ARHGAP25: variants seen among roughly 807,000 people sequenced by gnomAD.
The protein encoded by ARHGAP25 is rho GTPase-activating protein 25.
In ARHGAP25, 34 loss-of-function variants were observed where a neutral mutation model predicts 71.0. The observed-to-expected ratio is 0.48, with a 90% CI of 0.36 to 0.64. The LOEUF is 0.64. ARHGAP25 is among the 30% of genes least tolerant of loss of function. The probability of loss-of-function intolerance (pLI) is 0.00; values close to 1 mark genes in which losing one functional copy is unlikely to be tolerated. For missense variants in ARHGAP25, 706 were observed against 805.1 expected (o/e 0.88, Z 1.49); for synonymous variants, 282 against 296.5 (o/e 0.95, Z 0.50).
At chr2:68,816,404 T>A in intron 7 of ARHGAP25, 42 bp downstream of exon 7, 1 of 1,521,492 alleles carries the variant, frequency 6.6e-7, no homozygotes. Flanking sequence ...TTCAACCCCA[T>A]CAGAAAGAAG....
At chr2:68,791,356 G>A (rs74634854) in intron 4 of ARHGAP25, among the ~76,000 whole-genome samples, 2,426 of 152,286 alleles carry the variant, frequency 0.016, 56 homozygotes, top group African/African-American at 0.054. Flanking sequence ...TTAATCGAAT[G>A]GGTGAAAGAA....
intron 1 of ARHGAP25, among the ~76,000 whole-genome samples, chr2:68,773,554 T>C (rs891393835): frequency 2.6e-5 from 4 of 152,192 alleles, no homozygotes; most frequent in African/African-American, 9.7e-5. Context: ...TTGGTTACAA[T>C]GTTCAATATT....
chr2:68,822,084 ATC>A (rs1681728607), intron 9 of ARHGAP25, among the ~76,000 whole-genome samples: 2 of 152,036 alleles, frequency 1.3e-5, no homozygotes, highest in Admixed American at 6.6e-5. Context: ...TTACATAAGG[ATC>A]CTACTTTAGG....
In ARHGAP25 at chr2:68,771,654, C is replaced by G. The variant is rs75598232; in HGVS notation, c.62-3567C>G. On this transcript the variant is annotated intron_variant, in intron 1 of 10. Transcript: ENST00000409202. ...GGCTCTGCACTTGGGATGGAAAGTGCCCCTGCTTAATCCCCAGCTCATCTG... is the reference window on the plus strand; with the variant it reads ...GGCTCTGCACTTGGGATGGAAAGTGGCCCTGCTTAATCCCCAGCTCATCTG... Among the ~76,000 whole-genome samples the G allele has an allele frequency of 2.8e-3, 431 of 152,264 alleles. 1 individual carries two copies. Among genetic ancestry groups the G allele is most frequent in the African/African-American group, 0.01 (416 of 41,540 alleles).
At position 68,775,120 on chromosome 2, in the gene ARHGAP25, C is replaced by G. The variant is rs1308250435; in HGVS notation, c.62-101C>G. The stretch of plus-strand genomic sequence containing the variant: ...GAACTGGACCTGGTTGTCGTCCCCC[C>G]GCTTCTCAGCCCCCTCTGGGGTTCC... On this transcript the variant is annotated intron_variant, in intron 1 of 10. Coordinates refer to ENST00000409202, the MANE Select transcript of ARHGAP25 (RefSeq NM_001007231.3). 3.8e-6 allele frequency: 6 copies of G among 1,599,564 alleles called. No homozygotes were observed. The African/African-American group carries it at 5.3e-5, about 14-fold the overall frequency.
intron 4 of ARHGAP25, among the ~76,000 whole-genome samples, chr2:68,795,191 AT>A (rs1679454660): frequency 6.6e-6 from 1 of 151,970 alleles, no homozygotes; most frequent in Non-Finnish European, 1.5e-5. Context: ...AAGTCTAACA[AT>A]TTTGTTTATC....
chr2:68,730,142 A>T (rs902196969), upstream of ARHGAP25, among the ~76,000 whole-genome samples: 2 of 152,222 alleles, frequency 1.3e-5, no homozygotes, highest in Admixed American at 6.5e-5. Flanking sequence ...TGCACCATTT[A>T]AAAAATTTAC....
chr2:68,749,558 G>A (rs77425076), intron 1 of ARHGAP25, among the ~76,000 whole-genome samples: 27 of 152,312 alleles, frequency 1.8e-4, no homozygotes, highest in African/African-American at 6.5e-4. Context: ...CAGTGCTTGC[G>A]AGTGTCGATA....
intron 2 of ARHGAP25, among the ~76,000 whole-genome samples, chr2:68,711,773 GT>G (rs1573367425): frequency 6.6e-6 from 1 of 151,172 alleles, no homozygotes; most frequent in East Asian, 1.9e-4. Flanking sequence ...GAGATGTTTG[GT>G]TTTCTGTTAC....
intron 3 of ARHGAP25, 90 bp from the exon 4 acceptor site, chr2:68,787,750 A>G: frequency 1.0e-6 from 1 of 987,012 alleles, no homozygotes. Flanking sequence ...TTGAACCAAG[A>G]CATCAATTTA....
At chr2:68,725,657 G>T (rs1031051280) in intron 2 of ARHGAP25, among the ~76,000 whole-genome samples, 1 of 152,022 alleles carries the variant, frequency 6.6e-6, no homozygotes, top group African/African-American at 2.4e-5. Context: ...TCAAATCAAG[G>T]CACTCCTCTG....
chr2:68,721,493 A>G (rs550524833), intron 2 of ARHGAP25, among the ~76,000 whole-genome samples: 22 of 152,364 alleles, frequency 1.4e-4, no homozygotes, highest in Admixed American at 5.9e-4. Flanking sequence ...TGAAATGGCA[A>G]TGAAAGTCAA....
chr2:68,763,207 C>CT (rs1460949424), intron 1 of ARHGAP25, among the ~76,000 whole-genome samples: 1 of 152,164 alleles, frequency 6.6e-6, no homozygotes, highest in African/African-American at 2.4e-5. Flanking sequence ...TCTAAAAAAT[C>CT]TTTAACAAAA....
In ARHGAP25 at chr2:68,822,820, C is replaced by G. The variant is rs745793763; in HGVS notation, c.1681C>G (p.Leu561Val). ...IDSLQRMVQE[L>V]RKEIETQKQM... Reference sequence around the variant, plus strand: ...TTCTTTGCAGAGGATGGTCCAAGAGCTACGAAAGGAAATAGAAACACAGAA... The same window carrying G: ...TTCTTTGCAGAGGATGGTCCAAGAGGTACGAAAGGAAATAGAAACACAGAA... The change falls in exon 10 of 11, where the codon CTA becomes GTA. Residue 561 changes from leucine (L) to valine (V), a missense_variant. Transcript: ENST00000409202. 16 of 1,613,788 alleles carry G rather than the reference C, an allele frequency of 9.9e-6. No homozygotes were observed. The East Asian group carries it at 3.6e-4, about 36-fold the overall frequency.
At chr2:68,816,997 T>G (rs1681278921) in intron 7 of ARHGAP25, 1 of 152,296 alleles carries the variant, frequency 6.6e-6, no homozygotes, top group Admixed American at 6.5e-5. Context: ...ATTAACACTT[T>G]GGCATTTTTC....
intron 2 of ARHGAP25, among the ~76,000 whole-genome samples, chr2:68,716,915 A>G (rs1303155386): frequency 6.6e-6 from 1 of 152,200 alleles, no homozygotes; most frequent in Non-Finnish European, 1.5e-5. Flanking sequence ...GTGACATTCA[A>G]TATTTTTCGC....
upstream of ARHGAP25, among the ~76,000 whole-genome samples, chr2:68,730,274 T>G (rs1202473465): frequency 6.6e-6 from 1 of 152,254 alleles, no homozygotes; most frequent in Non-Finnish European, 1.5e-5. Context: ...TTTTATTTTC[T>G]TTTTGCTTTT....
chr2:68,782,441 T>C (rs1218119133), intron 3 of ARHGAP25, 121 bp downstream of exon 3: 3 of 809,772 alleles, frequency 3.7e-6, no homozygotes, highest in Non-Finnish European at 6.1e-6. Flanking sequence ...AACCAGCCTA[T>C]TGAGAGCCCA....
chr2:68,782,111 T>A, intron 2 of ARHGAP25, 122 bp from the exon 3 acceptor site: 1 of 839,322 alleles, frequency 1.2e-6, no homozygotes, highest in Non-Finnish European at 1.9e-6. Context: ...GAGGCTAGCT[T>A]CCCATGTCCC....
Sources: allele counts gnomAD v4.1 joint callset (sites outside exome capture counted in the v4.1 genomes callset), GRCh38; gene constraint gnomAD v4.1.1; transcripts MANE v1.5; gene names NCBI Gene and HGNC (gene_info 2026-07-23, HGNC 2026-07-21).